ACOX1: variants seen among roughly 807,000 people sequenced by gnomAD.
ACOX1 encodes peroxisomal acyl-coenzyme A oxidase 1.
Under a neutral mutation model 75.5 loss-of-function variants are expected in ACOX1, and 41 were observed. That is an observed-to-expected ratio of 0.54 (90% CI 0.42 to 0.70). ACOX1 has a LOEUF of 0.70. ACOX1 is among the 30% of genes least tolerant of loss of function. The probability of loss-of-function intolerance (pLI) is 0.00; values close to 1 mark genes in which losing one functional copy is unlikely to be tolerated. For missense variants in ACOX1, 630 were observed against 837.5 expected (o/e 0.75, Z 3.06); for synonymous variants, 303 against 298.8 (o/e 1.01, Z -0.15).
At chr17:75,971,944 T>C (rs563183037) in intron 2 of ACOX1, among the ~76,000 whole-genome samples, 25 of 152,140 alleles carry the variant, frequency 1.6e-4, no homozygotes, top group African/African-American at 6.0e-4. Context: ...AACAGAGTTC[T>C]GTACCACAAA....
In ACOX1 at chr17:75,950,952, T is replaced by A; in HGVS notation, c.1120A>T (p.Thr374Ser). 1 of 1,613,958 alleles carries A rather than the reference T, an allele frequency of 6.2e-7. No individual in the cohort carries two copies. Among genetic ancestry groups the A allele is most frequent in the Non-Finnish European group, 8.5e-7 (1 of 1,179,990 alleles). Reference protein sequence around the residue: ...LSELPELHALTAGLKAFTSWT... With the variant: ...LSELPELHALSAGLKAFTSWT... ...GAGGTGAAAGCCTTCAGTCCAGCGG[T>A]GAGGGCATGAAGCTGAGAGGACAAG... The change falls in exon 9 of 14, where the codon ACC becomes TCC. Residue 374 changes from threonine to serine, a missense_variant. Thr to Ser is a moderately conservative substitution (Grantham distance 58). This residue lies in a region of ACOX1 where 390 missense variants were observed against 574.9 expected (regional missense o/e 0.68). Coordinates refer to ENST00000293217, the MANE Select transcript of ACOX1 (RefSeq NM_004035.7). This position sits in a 1 kb window ranked among gnomAD's most constrained non-coding sequence, Gnocchi z 4.3.
chr17:75,960,781 C>A lies in ACOX1; in HGVS notation c.270-406G>T, dbSNP rs1229181308. 6.6e-6 allele frequency among the ~76,000 whole-genome samples: 1 copy of A among 152,182 alleles called. No individual in the cohort carries two copies. Among genetic ancestry groups the A allele is most frequent in the Non-Finnish European group, 1.5e-5 (1 of 68,032 alleles). ...TCACCTTAAGTCAGGAGTTCGAGACCAGCCTGGCCAACATGGCAAAGCCCT... is the reference window on the plus strand; with the variant it reads ...TCACCTTAAGTCAGGAGTTCGAGACAAGCCTGGCCAACATGGCAAAGCCCT... On this transcript the variant is annotated intron_variant, in intron 2 of 13. Transcript: ENST00000293217. The surrounding 1 kb of genome is among the most constrained non-coding windows in gnomAD (Gnocchi z 4.4).
At chr17:75,976,884 C>G (rs1317604640) in intron 2 of ACOX1, among the ~76,000 whole-genome samples, 1 of 151,134 alleles carries the variant, frequency 6.6e-6, no homozygotes, top group Non-Finnish European at 1.5e-5. Context: ...ATGGAGAAAC[C>G]TAAAAGAGAA....
intron 2 of ACOX1, chr17:75,973,856 A>G: frequency 6.5e-7 from 1 of 1,529,226 alleles, no homozygotes; most frequent in South Asian, 1.2e-5. Context: ...TTCTTGCCAA[A>G]CAGCTTTGGC....
At chr17:75,976,330 C>T (rs1257612740) in intron 2 of ACOX1, among the ~76,000 whole-genome samples, 1 of 152,144 alleles carries the variant, frequency 6.6e-6, no homozygotes, top group Non-Finnish European at 1.5e-5. Context: ...TCACTCGAGT[C>T]TGGTTCACAT....
Position 75,946,740 on chromosome 17 carries a change from G to A in ACOX1, c.*8C>T, listed in dbSNP as rs777520205. On this transcript the variant is annotated 3_prime_UTR_variant, in exon 14 of 14. Coordinates refer to ENST00000293217, the MANE Select transcript of ACOX1 (RefSeq NM_004035.7). ...TCTGAAGCAGATTAAACTTGTCCTT[G>A]TGACACTTCAGAGCTTGGACTGCAG... 6 of 1,613,430 alleles carry A rather than the reference G, an allele frequency of 3.7e-6. No individual in the cohort carries two copies. In the East Asian group the frequency reaches 1.1e-4, roughly 30 times the overall value.
chr17:75,955,783 T>C lies in ACOX1; in HGVS notation c.658+45A>G, dbSNP rs10852766. 1,038,965 of 1,613,290 alleles carry C rather than the reference T, an allele frequency of 0.64. 343,915 individuals carry two copies. Among genetic ancestry groups the C allele is most frequent in the East Asian group, 0.76 (33,925 of 44,872 alleles). On this transcript the variant is annotated intron_variant, in intron 5 of 13. Coordinates refer to ENST00000293217, the MANE Select transcript of ACOX1 (RefSeq NM_004035.7). ...GCATTCTACCTTTTGCAGAAGAAAG[T>C]GCTCAGTTTCATTTTCATCTCAACA...
At chr17:75,954,560 A>T (rs944810898) in intron 6 of ACOX1, among the ~76,000 whole-genome samples, 6 of 130,538 alleles carry the variant, frequency 4.6e-5, no homozygotes, top group African/African-American at 1.1e-4. Context: ...AAAATGCATT[A>T]TTAGCTCCTT....
In ACOX1 at chr17:75,979,027, G is replaced by A. The variant is rs762248481; in HGVS notation, c.47C>T (p.Pro16Leu). ...RRERDSASFNPELLTHILDGS... is the reference protein window; with the variant it reads ...RRERDSASFNLELLTHILDGS... ...GTCCAGGATGTGTGTAAGCAGCTCC[G>A]GGTTGAAGCTGGCGGAATCCCGCTC... is the stretch of plus-strand genomic sequence containing the variant. Residue 16 changes from proline to leucine, a missense_variant, in exon 1 of 14, where the codon CCG becomes CTG. Pro to Leu is a moderately conservative substitution (Grantham distance 98). Transcript: ENST00000293217. 6 of 1,612,524 alleles carry A rather than the reference G, an allele frequency of 3.7e-6. No individual in the cohort carries two copies. The South Asian group carries it at 5.5e-5, about 15-fold the overall frequency.
intron 2 of ACOX1, among the ~76,000 whole-genome samples, chr17:75,962,149 T>C (rs573635008): frequency 6.6e-6 from 1 of 152,236 alleles, no homozygotes; most frequent in African/African-American, 2.4e-5. Flanking sequence ...AACACTTTAA[T>C]ACAAAAACTG....
At chr17:75,961,759 C>CAA (rs61575984) in intron 2 of ACOX1, among the ~76,000 whole-genome samples, 1,441 of 51,936 alleles carry the variant, frequency 0.028, 33 homozygotes, top group East Asian at 0.12. Context: ...GACTCTGTCT[C>CAA]AAAAAAAAAA....
chr17:75,951,414 C>T lies in ACOX1; in HGVS notation c.1107+1G>A, dbSNP rs2065772624. On this transcript the variant is annotated splice_donor_variant, in intron 8 of 13. Coordinates refer to ENST00000293217, the MANE Select transcript of ACOX1 (RefSeq NM_004035.7). LOFTEE classifies it high-confidence loss of function. ...ATGAGTGAATGAGACCAAACTCATA[C>T]CTCAGGCAGTTCACTCAGGTCCCCT... is the stretch of plus-strand genomic sequence containing the variant. 1 of 1,613,922 alleles carries T rather than the reference C, an allele frequency of 6.2e-7. No individual in the cohort carries two copies. The highest frequency in any genetic ancestry group is 1.3e-5 in the African/African-American group (1 of 74,908).
At chr17:75,973,758 A>C (rs2066018707) in intron 2 of ACOX1, 6 of 1,614,092 alleles carry the variant, frequency 3.7e-6, no homozygotes, top group Non-Finnish European at 5.1e-6. Context: ...TGAGGCCCAC[A>C]GGTTCCACAA....
chr17:75,951,537 A>C lies in ACOX1; in HGVS notation c.985T>G (p.Tyr329Asp), dbSNP rs370131786. 13 of 1,614,086 alleles carry C rather than the reference A, an allele frequency of 8.1e-6. No individual in the cohort carries two copies. In the African/African-American group the frequency reaches 1.7e-4, roughly 22 times the overall value. The change falls in exon 8 of 14, where the codon TAT becomes GAT. Residue 329 changes from tyrosine (Y) to aspartate (D), a missense_variant. Physicochemically the swap from Tyr to Asp is radical, Grantham distance 160 (BLOSUM62 -3). This residue lies in a region of ACOX1 where 390 missense variants were observed against 574.9 expected (regional missense o/e 0.68). Coordinates refer to ENST00000293217, the MANE Select transcript of ACOX1 (RefSeq NM_004035.7). The part of the protein sequence containing the change: ...PQILDFQTQQ[Y>D]KLFPLLATAY... ...GTGGCCAGGAGTGGAAAGAGTTTATACTGCTGGGTTTGAAAATCCAAAATC... is the reference window on the plus strand; with the variant it reads ...GTGGCCAGGAGTGGAAAGAGTTTATCCTGCTGGGTTTGAAAATCCAAAATC...
At chr17:75,964,081 G>C (rs771067117) in intron 2 of ACOX1, among the ~76,000 whole-genome samples, 3 of 151,276 alleles carry the variant, frequency 2.0e-5, no homozygotes, top group Non-Finnish European at 4.4e-5. Flanking sequence ...CTACTCAGGA[G>C]GGTGAGGCAC....
chr17:75,967,655 T>C (rs377299008), intron 2 of ACOX1, among the ~76,000 whole-genome samples: 4 of 97,126 alleles, frequency 4.1e-5, no homozygotes, highest in South Asian at 2.7e-4. Context: ...CGTATATATA[T>C]ACATACATAT....
In ACOX1 at chr17:75,950,870, T is replaced by C. The variant is rs2065767916; in HGVS notation, c.1202A>G (p.Tyr401Cys). ...ATTTGGAAGACCACTGCAATGAGAA[T>C]AGCCATGCCCACCACAAGCCATCCG... ...ACRMACGGHGYSHCSGLPNIY... is the reference protein window; with the variant it reads ...ACRMACGGHGCSHCSGLPNIY... The change falls in exon 9 of 14, where the codon TAT becomes TGT. Residue 401 changes from tyrosine (Y) to cysteine (C), a missense_variant. Tyr to Cys is a radical substitution (Grantham distance 194). Transcript: ENST00000293217. This position sits in a 1 kb window ranked among gnomAD's most constrained non-coding sequence, Gnocchi z 4.3. The C allele has an allele frequency of 2.5e-6, 4 of 1,614,026 alleles. No homozygotes were observed. Among genetic ancestry groups the C allele is most frequent in the Admixed American group, 3.3e-5 (2 of 59,972 alleles).
In ACOX1 at chr17:75,957,241, C is replaced by T. The variant is rs28715841; in HGVS notation, c.538+218G>A. On this transcript the variant is annotated intron_variant, in intron 4 of 13. Coordinates refer to ENST00000293217, the MANE Select transcript of ACOX1 (RefSeq NM_004035.7). ...GACTACAGGTGTGCGCCACCACACC[C>T]GGCTAATTTTTGTATTTTTAGTAGA... Among the ~76,000 whole-genome samples, 9,621 of 151,388 alleles carry T rather than the reference C, an allele frequency of 0.064. 924 individuals carry two copies. Among genetic ancestry groups the T allele is most frequent in the African/African-American group, 0.21 (8,646 of 41,114 alleles).
chr17:75,973,362 C>T (rs1413105708), intron 2 of ACOX1: 2 of 497,050 alleles, frequency 4.0e-6, no homozygotes, highest in Non-Finnish European at 7.4e-6. Flanking sequence ...AATGGGGTTC[C>T]CCGCTGCACT....
Sources: allele counts gnomAD v4.1 joint callset (sites outside exome capture counted in the v4.1 genomes callset), GRCh38; gene constraint gnomAD v4.1.1; regional missense constraint gnomAD v4.1.1; non-coding constraint Gnocchi (gnomAD v3.1); transcripts MANE v1.5; gene names NCBI Gene and HGNC (gene_info 2026-07-23, HGNC 2026-07-21).